The following TSNARE1 variants were observed in gnomAD, a reference collection of about 807,000 sequenced individuals.
TSNARE1 encodes t-SNARE domain containing 1, also known as t-SNARE domain-containing protein 1.
In TSNARE1, 49 loss-of-function variants were observed where a neutral mutation model predicts 62.0. The ratio of observed to expected loss-of-function variants is 0.79; its 90% CI spans 0.63 to 1.00. The LOEUF is 1.00. Among genes scored for constraint, TSNARE1 ranks in the 50% least tolerant of loss-of-function variants. The pLI is 0.00. For synonymous variants in TSNARE1, 328 were observed against 294.4 expected, an observed-to-expected ratio of 1.11 and a Z score of -1.17; for missense variants, 755 against 700.1, an observed-to-expected ratio of 1.08 and a Z score of -0.88.
At chr8:142,242,947 C>CAAAAAAAAAAAA (rs35092120) in intron 12 of TSNARE1, among the ~76,000 whole-genome samples, 2 of 51,390 alleles carry the variant, frequency 3.9e-5, no homozygotes, top group African/African-American at 1.6e-4. Flanking sequence ...AACTCTGTCT[C>CAAAAAAAAAAAA]AAAAAAAAAA....
upstream of TSNARE1, chr8:142,406,571 T>C (rs1055856331): frequency 6.6e-6 from 1 of 152,116 alleles, no homozygotes; most frequent in Non-Finnish European, 1.5e-5. Flanking sequence ...AACCACATCT[T>C]AAAAAATAAA....
intron 1 of TSNARE1, 29 bp from the exon 2 acceptor site, chr8:142,354,792 G>C: frequency 7.5e-7 from 1 of 1,330,458 alleles, no homozygotes; most frequent in Non-Finnish European, 1.1e-6. Flanking sequence ...GCAGGGGGAA[G>C]AGGGGGAAGA....
chr8:142,342,778 C>G (rs1278950672), intron 4 of TSNARE1, among the ~76,000 whole-genome samples: 1 of 151,564 alleles, frequency 6.6e-6, no homozygotes, highest in Non-Finnish European at 1.5e-5. Flanking sequence ...GGGCCCACCA[C>G]AGCAGGAGCT....
chr8:142,303,951 G>A (rs1826212563), intron 9 of TSNARE1, among the ~76,000 whole-genome samples: 1 of 152,200 alleles, frequency 6.6e-6, no homozygotes, highest in South Asian at 2.1e-4. Flanking sequence ...CCCTCGGCAG[G>A]GGCACGGCCA....
chr8:142,370,744 A>G (rs1172008018), intron 1 of TSNARE1, among the ~76,000 whole-genome samples: 1 of 152,196 alleles, frequency 6.6e-6, no homozygotes, highest in East Asian at 1.9e-4. Flanking sequence ...GACTGCATGC[A>G]AAGAAATGAA....
At chr8:142,307,027 G>C (rs1024901702) in intron 9 of TSNARE1, among the ~76,000 whole-genome samples, 5 of 152,200 alleles carry the variant, frequency 3.3e-5, no homozygotes, top group African/African-American at 1.2e-4. Flanking sequence ...AGTGGGGCCT[G>C]GTTCTGAATA....
intron 12 of TSNARE1, chr8:142,269,835 C>T (rs558382912): frequency 6.1e-6 from 6 of 985,416 alleles, no homozygotes; most frequent in Non-Finnish European, 4.8e-6. Context: ...GCCAGGCGTG[C>T]GCAGAAGGCA....
At chr8:142,304,851 C>T (rs1294947855) in intron 9 of TSNARE1, among the ~76,000 whole-genome samples, 6 of 152,356 alleles carry the variant, frequency 3.9e-5, no homozygotes, top group East Asian at 1.9e-4. Context: ...TGGCCATACA[C>T]GCCCCTGGAG....
At chr8:142,295,164 C>T (rs914216210) in intron 10 of TSNARE1, among the ~76,000 whole-genome samples, 26 of 152,230 alleles carry the variant, frequency 1.7e-4, no homozygotes, top group African/African-American at 6.0e-4. Context: ...CCGAGCAACC[C>T]ATAAGCAGAC....
chr8:142,326,104 A>C, intron 6 of TSNARE1: 1 of 181,136 alleles, frequency 5.5e-6, no homozygotes, highest in Non-Finnish European at 1.1e-5. Flanking sequence ...AACCAGCACC[A>C]GCGAAGGGGA....
intron 13 of TSNARE1, among the ~76,000 whole-genome samples, chr8:142,215,396 T>C (rs1231081323): frequency 6.6e-6 from 1 of 152,076 alleles, no homozygotes; most frequent in Non-Finnish European, 1.5e-5. Flanking sequence ...GCAATGGTGG[T>C]CAGGGAGCAG....
At chr8:142,256,253 TCATCAC>T (rs1329856562) in intron 12 of TSNARE1, among the ~76,000 whole-genome samples, 8 of 53,484 alleles carry the variant, frequency 1.5e-4, no homozygotes, top group East Asian at 7.3e-4. Flanking sequence ...ACCATCACCA[TCATCAC>T]CATCACCATC....
At chr8:142,252,137 C>T (rs1230693785) in intron 12 of TSNARE1, among the ~76,000 whole-genome samples, 1 of 152,256 alleles carries the variant, frequency 6.6e-6, no homozygotes, top group East Asian at 1.9e-4. Flanking sequence ...CGCCCGCGTT[C>T]TCTGTCTGCA....
At position 142,313,104 on chromosome 8, in the gene TSNARE1, G is replaced by A. The variant is rs967902672; in HGVS notation, c.1131+1280C>T. 5.3e-5 allele frequency among the ~76,000 whole-genome samples: 8 copies of A among 152,024 alleles called. No individual in the cohort carries two copies. The South Asian group carries it at 6.2e-4, about 12-fold the overall frequency. On this transcript the variant is annotated intron_variant, in intron 9 of 13. Transcript: ENST00000524325. ...TTTATCTGCATCTCTTCATGTCTGC[G>A]TGACTGTTTATCCGTGTGTCTGCAT... is the stretch of plus-strand genomic sequence containing the variant.
chr8:142,319,379 A>G lies in TSNARE1; in HGVS notation c.894-745T>C, dbSNP rs888001962. Among the ~76,000 whole-genome samples, 2 of 152,094 alleles carry G rather than the reference A, an allele frequency of 1.3e-5. No homozygotes were observed. The highest frequency in any genetic ancestry group is 1.9e-4 in the East Asian group (1 of 5,148). ...TGAGACGGTTCTCACACCCAGACCC[A>G]GGGAGACACAAGGAGGCCAGGACAG... On this transcript the variant is annotated intron_variant, in intron 6 of 13. Transcript: ENST00000524325. This position sits in a 1 kb window ranked among gnomAD's most constrained non-coding sequence, Gnocchi z 4.9.
intron 1 of TSNARE1, among the ~76,000 whole-genome samples, chr8:142,375,978 G>A (rs2131118817): frequency 6.6e-6 from 1 of 152,292 alleles, no homozygotes; most frequent in South Asian, 2.1e-4. Flanking sequence ...CCAGGTCCAT[G>A]GGTACAACAG....
chr8:142,313,457 ATG>A lies in TSNARE1; in HGVS notation c.1131+925_1131+926del, dbSNP rs903724099. ...GTTGTCTACATGTCTGTTTATCTGCATGTGTCTGCATGTCTGTGTTTATCTGT... is the reference window on the plus strand; with the variant it reads ...GTTGTCTACATGTCTGTTTATCTGCATGTCTGCATGTCTGTGTTTATCTGT... On this transcript the variant is annotated intron_variant, in intron 9 of 13. Coordinates refer to ENST00000524325, the MANE Select transcript of TSNARE1 (RefSeq NM_145003.5). 4.8e-5 allele frequency among the ~76,000 whole-genome samples: 7 copies of A among 147,098 alleles called. No individual in the cohort carries two copies. In the South Asian group the frequency reaches 6.6e-4, roughly 14 times the overall value.
At chr8:142,335,268 G>A (rs536186246) in intron 4 of TSNARE1, among the ~76,000 whole-genome samples, 2 of 152,028 alleles carry the variant, frequency 1.3e-5, no homozygotes, top group African/African-American at 4.8e-5. Flanking sequence ...TGTCAACGAG[G>A]CAGGGTCATC....
At chr8:142,256,047 C>CACT (rs1818503406) in intron 12 of TSNARE1, among the ~76,000 whole-genome samples, 1 of 96,202 alleles carries the variant, frequency 1.0e-5, no homozygotes, top group African/African-American at 3.5e-5. Flanking sequence ...TCACCACCAC[C>CACT]GTCACCATCA....
Sources: allele counts gnomAD v4.1 joint callset (sites outside exome capture counted in the v4.1 genomes callset), GRCh38; gene constraint gnomAD v4.1.1; non-coding constraint Gnocchi (gnomAD v3.1); transcripts MANE v1.5; gene names NCBI Gene and HGNC (gene_info 2026-07-23, HGNC 2026-07-21).